The following PARD3B variants were observed in gnomAD, a reference collection of about 807,000 sequenced individuals.
The protein encoded by PARD3B is par-3 family cell polarity regulator beta, also known as partitioning defective 3 homolog B.
A neutral mutation model predicts 130.2 loss-of-function variants in PARD3B; 103 were observed. The observed-to-expected ratio is 0.79, with a 90% CI of 0.67 to 0.93. The LOEUF (loss-of-function observed/expected upper bound fraction) is 0.93. Among genes scored for constraint, PARD3B ranks in the 40% least tolerant of loss-of-function variants. The pLI, the probability that PARD3B is intolerant of heterozygous loss-of-function variation, is 0.00. For synonymous variants in PARD3B, 583 were observed against 553.2 expected (o/e 1.05, Z -0.76); for missense variants, 1,609 against 1,499.2 (o/e 1.07, Z -1.21).
chr2:205,210,707 C>T (rs58072988), intron 15 of PARD3B, among the ~76,000 whole-genome samples: 626 of 152,110 alleles, frequency 4.1e-3, no homozygotes, highest in African/African-American at 0.014. Flanking sequence ...ATGGAAGAAT[C>T]TGGGTGTCAT....
rs11893860 is a variant in PARD3B, at chr2:204,856,541, G to A, written c.223-108611G>A. The stretch of plus-strand genomic sequence containing the variant: ...TGTTGTGCAGAGGAAACAATTTTTA[G>A]TTTGATGCAATCCTGTTTTTCTGTT... On this transcript the variant is annotated intron_variant, in intron 2 of 22. Coordinates refer to ENST00000406610, the MANE Select transcript of PARD3B (RefSeq NM_001302769.2). 7.0e-3 allele frequency among the ~76,000 whole-genome samples: 1,072 copies of A among 152,170 alleles called. 7 individuals carry two copies. The highest frequency in any genetic ancestry group is 0.024 in the African/African-American group (1,005 of 41,538).
At chr2:204,686,389 A>G (rs2125244027) in intron 2 of PARD3B, 107 bp downstream of exon 2, 4 of 848,220 alleles carry the variant, frequency 4.7e-6, no homozygotes, top group Middle Eastern at 4.5e-4. Flanking sequence ...ATTAAAAGAT[A>G]CCATCTGTTC....
chr2:205,575,414 T>C lies in PARD3B; in HGVS notation c.3260+22011T>C, dbSNP rs2053722048. 6.6e-6 allele frequency among the ~76,000 whole-genome samples: 1 copy of C among 152,006 alleles called. No individual in the cohort carries two copies. The highest frequency in any genetic ancestry group is 2.1e-4 in the South Asian group (1 of 4,800). On this transcript the variant is annotated intron_variant, in intron 22 of 22. Transcript: ENST00000406610. The surrounding 1 kb of genome is among the most constrained non-coding windows in gnomAD (Gnocchi z 4.6). ...AAGCCCATAGTTTACATTAGCGCTC[T>C]CTCGGTGTTGTTCATTCTGTGGGTT...
At chr2:205,117,436 C>T (rs1375918212) in intron 6 of PARD3B, among the ~76,000 whole-genome samples, 1 of 152,164 alleles carries the variant, frequency 6.6e-6, no homozygotes, top group Non-Finnish European at 1.5e-5. Flanking sequence ...ACCCAAATAT[C>T]ACTGCCATGC....
intron 2 of PARD3B, among the ~76,000 whole-genome samples, chr2:204,944,979 A>G (rs1689197501): frequency 6.6e-6 from 1 of 152,372 alleles, no homozygotes; most frequent in Non-Finnish European, 1.5e-5. Context: ...CTGTATTTTA[A>G]TCTTTTGTTG....
chr2:204,628,382 A>G (rs545848196), intron 1 of PARD3B, among the ~76,000 whole-genome samples: 3 of 152,242 alleles, frequency 2.0e-5, no homozygotes, highest in South Asian at 4.2e-4. Flanking sequence ...AGGATTGACA[A>G]ATATTTTTGC....
chr2:205,476,026 TC>T (rs1443282879), intron 20 of PARD3B, among the ~76,000 whole-genome samples: 1 of 152,210 alleles, frequency 6.6e-6, no homozygotes, highest in African/African-American at 2.4e-5. Context: ...GTGATCACAG[TC>T]GCTGTCAAGT....
At chr2:205,312,899 G>A (rs1353061195) in intron 18 of PARD3B, among the ~76,000 whole-genome samples, 2 of 152,136 alleles carry the variant, frequency 1.3e-5, no homozygotes, top group Non-Finnish European at 2.9e-5. Flanking sequence ...GAATTGCAAA[G>A]TAGAGAGTAT....
chr2:204,997,643 C>A (rs1694342425), intron 3 of PARD3B, among the ~76,000 whole-genome samples: 1 of 151,988 alleles, frequency 6.6e-6, no homozygotes, highest in Non-Finnish European at 1.5e-5. Context: ...AGGGGTTTTA[C>A]ACAATTATGT....
chr2:204,800,371 G>C (rs1178737576), intron 2 of PARD3B, among the ~76,000 whole-genome samples: 2 of 152,030 alleles, frequency 1.3e-5, no homozygotes, highest in African/African-American at 2.4e-5. Context: ...ACACCTATAA[G>C]ATCTAGAAAG....
At chr2:205,054,594 C>T (rs1428034949) in intron 4 of PARD3B, among the ~76,000 whole-genome samples, 5 of 151,116 alleles carry the variant, frequency 3.3e-5, no homozygotes, top group Admixed American at 1.3e-4. Flanking sequence ...ATCCCTTTCC[C>T]TTCCCCGCAC....
At chr2:205,542,717 C>A (rs1368770460) in intron 21 of PARD3B, among the ~76,000 whole-genome samples, 1 of 152,132 alleles carries the variant, frequency 6.6e-6, no homozygotes, top group East Asian at 1.9e-4. Flanking sequence ...CTCTCCTAGT[C>A]CACTGTTACT....
chr2:204,928,552 C>T (rs1687803044), intron 2 of PARD3B, among the ~76,000 whole-genome samples: 1 of 152,062 alleles, frequency 6.6e-6, no homozygotes, highest in South Asian at 2.1e-4. Context: ...GGTGCTTAAA[C>T]AAGTGGAGTT....
At chr2:204,704,516 T>C (rs891331030) in intron 2 of PARD3B, among the ~76,000 whole-genome samples, 1 of 152,158 alleles carries the variant, frequency 6.6e-6, no homozygotes, top group Non-Finnish European at 1.5e-5. Context: ...AAAGATACCA[T>C]GATCATCAAA....
chr2:204,653,135 G>A (rs2035537576), intron 1 of PARD3B, among the ~76,000 whole-genome samples: 1 of 150,934 alleles, frequency 6.6e-6, no homozygotes, highest in South Asian at 2.1e-4. Context: ...GAGGTTGGGA[G>A]GAAGGAGAGG....
chr2:205,110,758 A>G (rs1264587366), intron 5 of PARD3B, among the ~76,000 whole-genome samples: 1 of 150,830 alleles, frequency 6.6e-6, no homozygotes, highest in Non-Finnish European at 1.5e-5. Context: ...TCTGGCTACT[A>G]TACTGTCCTC....
At chr2:204,945,923 C>T (rs1391646883) in intron 2 of PARD3B, among the ~76,000 whole-genome samples, 1 of 152,150 alleles carries the variant, frequency 6.6e-6, no homozygotes, top group African/African-American at 2.4e-5. Flanking sequence ...TTTGCAATTT[C>T]GTGCTCCCAT....
chr2:204,770,992 G>T (rs1006251739), intron 2 of PARD3B, among the ~76,000 whole-genome samples: 1 of 152,050 alleles, frequency 6.6e-6, no homozygotes, highest in African/African-American at 2.4e-5. Context: ...TTCAATCAGA[G>T]CAGAATTGAA....
chr2:205,353,770 C>T (rs2044080030), intron 18 of PARD3B, among the ~76,000 whole-genome samples: 1 of 151,998 alleles, frequency 6.6e-6, no homozygotes, highest in Admixed American at 6.5e-5. Flanking sequence ...TGGTAGCTGC[C>T]TGTAATTTGC....
Sources: gnomAD v4.1 joint callset for allele counts (sites outside exome capture counted in the v4.1 genomes callset) on GRCh38, gnomAD v4.1.1 for gene constraint, Gnocchi (gnomAD v3.1) non-coding constraint, MANE v1.5 for transcripts, NCBI Gene and HGNC (gene_info 2026-07-23, HGNC 2026-07-21) for gene names.